Variants in MDM4 observed in about 807,000 individuals in gnomAD.
MDM4 encodes protein Mdm4.
Under a neutral mutation model 60.2 loss-of-function variants are expected in MDM4, and 2 were observed. The observed-to-expected ratio is 0.03, with a 90% CI of 0.01 to 0.10. MDM4 has a LOEUF of 0.10. Ranked by LOEUF, MDM4 falls within the 10% of genes least tolerant of loss-of-function variation. MDM4 has a pLI of 1.00. For missense variants in MDM4, 447 were observed against 577.5 expected, an observed-to-expected ratio of 0.77 and a Z score of 2.32; for synonymous variants, 202 against 198.1, an observed-to-expected ratio of 1.02 and a Z score of -0.17.
chr1:204,532,101 C>T lies in MDM4; in HGVS notation c.288-90C>T. 5.2e-6 allele frequency: 4 copies of T among 772,366 alleles called. No homozygotes were observed. The South Asian group carries it at 6.2e-5, about 12-fold the overall frequency. The allele number at this position is 772,366 out of a possible 1,614,324, so 47.8% of individuals were successfully genotyped here. A position where few individuals can be genotyped will look rare whatever the true frequency, so the allele number is the denominator to read the frequency against. On this transcript the variant is annotated intron_variant, in intron 4 of 10. Transcript: ENST00000367182. ...TACAGAGAGACTTGGGAGATAACAT[C>T]AGAAATACATTTAATATTTAACGGC...
chr1:204,520,300 A>G (rs1207251923), intron 1 of MDM4, among the ~76,000 whole-genome samples: 1 of 151,442 alleles, frequency 6.6e-6, no homozygotes, highest in Admixed American at 6.6e-5. Flanking sequence ...AAAAAAATGA[A>G]TTTTGATATG....
chr1:204,536,357 G>A (rs755050730), intron 5 of MDM4, among the ~76,000 whole-genome samples: 1 of 152,164 alleles, frequency 6.6e-6, no homozygotes. Context: ...TGTTGTCTCC[G>A]TTTGTCCACA....
rs1663406582 is a variant in MDM4 at position 204,554,195 on chromosome 1, A to C, written c.*4513A>C. 4.4e-6 allele frequency: 1 copy of C among 226,846 alleles called. No homozygotes were observed. The highest frequency in any genetic ancestry group is 1.8e-4 in the South Asian group (1 of 5,492). 14.1% of individuals were successfully genotyped at this position (226,846 alleles called of 1,614,324 possible). The stretch of plus-strand genomic sequence containing the variant: ...TCTGATCTATAATACAAAGCTATGT[A>C]ATGTTACCTCTTGACTCGCTTTTGA... On this transcript the variant is annotated 3_prime_UTR_variant, in exon 11 of 11. Transcript: ENST00000367182.
rs547399551 is a variant in MDM4 at position 204,557,145 on chromosome 1, A to C, written c.*7463A>C. On this transcript the variant is annotated 3_prime_UTR_variant, in exon 11 of 11. Coordinates refer to ENST00000367182, the MANE Select transcript of MDM4 (RefSeq NM_002393.5). The stretch of plus-strand genomic sequence containing the variant: ...TAAGAACCTATTATGCTCTTGGTGT[A>C]CCAAGCTCTGGGGTATATATTCAGA... 1.2e-4 allele frequency: 24 copies of C among 198,032 alleles called. No homozygotes were observed. Among genetic ancestry groups the C allele is most frequent in the Non-Finnish European group, 2.3e-4 (22 of 95,548 alleles). 12.3% of individuals were successfully genotyped at this position (198,032 alleles called of 1,614,324 possible).
intron 7 of MDM4, among the ~76,000 whole-genome samples, chr1:204,538,869 C>CTTTTT (rs34355422): frequency 1.7e-5 from 2 of 117,676 alleles, no homozygotes; most frequent in African/African-American, 6.3e-5. Flanking sequence ...CCACGCCTGG[C>CTTTTT]TTTTTTTTTT....
intron 1 of MDM4, among the ~76,000 whole-genome samples, chr1:204,524,031 C>G (rs1277573393): frequency 6.6e-6 from 1 of 152,040 alleles, no homozygotes; most frequent in Non-Finnish European, 1.5e-5. Flanking sequence ...CAGGATGACT[C>G]AGGTCAAGGG....
Position 204,551,107 on chromosome 1 carries a change from ATCACAGT to A in MDM4, c.*1430_*1436del, listed in dbSNP as rs2102465379. 5.3e-6 allele frequency: 1 copy of A among 189,734 alleles called. No individual in the cohort carries two copies. Among genetic ancestry groups the A allele is most frequent in the African/African-American group, 2.3e-5 (1 of 42,950 alleles). 11.8% of individuals were successfully genotyped at this position (189,734 alleles called of 1,614,324 possible). ...GCCCAGGCTGGAGTGCACTGGCACA[ATCACAGT>A]TCACTGCAGCCTCGACCTCCCAGAT... On this transcript the variant is annotated 3_prime_UTR_variant, in exon 11 of 11. Coordinates refer to ENST00000367182, the MANE Select transcript of MDM4 (RefSeq NM_002393.5).
intron 10 of MDM4, among the ~76,000 whole-genome samples, chr1:204,547,249 T>C (rs1414072155): frequency 1.3e-5 from 2 of 152,204 alleles, no homozygotes; most frequent in East Asian, 3.8e-4. Context: ...TAAAATTATT[T>C]GTTGAATATA....
chr1:204,541,347 G>T (rs543927682), intron 7 of MDM4, among the ~76,000 whole-genome samples: 1 of 152,052 alleles, frequency 6.6e-6, no homozygotes, highest in Non-Finnish European at 1.5e-5. Context: ...CGCACCAGTC[G>T]TCCCAGCTAC....
chr1:204,542,701 A>G (rs1010994419), intron 7 of MDM4, 83 bp from the exon 8 acceptor site: 1 of 1,020,926 alleles, frequency 9.8e-7, no homozygotes, highest in Non-Finnish European at 1.4e-6. Context: ...CCTATTTTAT[A>G]AAGAAGTTTT....
chr1:204,517,190 C>A (rs1248342016), intron 1 of MDM4, among the ~76,000 whole-genome samples: 1 of 150,576 alleles, frequency 6.6e-6, no homozygotes, highest in Admixed American at 6.6e-5. Flanking sequence ...TGCAGTGAGT[C>A]GAGATCGCGC....
At chr1:204,529,251 G>C in intron 3 of MDM4, 1 of 730,246 alleles carries the variant, frequency 1.4e-6, no homozygotes, top group South Asian at 1.5e-5. Flanking sequence ...CATTGAACAA[G>C]GACCAGTTGC....
chr1:204,546,461 C>T (rs1662672367), intron 9 of MDM4, among the ~76,000 whole-genome samples: 1 of 152,124 alleles, frequency 6.6e-6, no homozygotes, highest in African/African-American at 2.4e-5. Context: ...CCTTGGCCTC[C>T]CAAAGTGCTG....
At position 204,549,741 on chromosome 1, in the gene MDM4, C is replaced by G; in HGVS notation, c.*59C>G. On this transcript the variant is annotated 3_prime_UTR_variant, in exon 11 of 11. Coordinates refer to ENST00000367182, the MANE Select transcript of MDM4 (RefSeq NM_002393.5). ...TTCACTTACCACATTATTTGAAAATCAATCCTTTATTTAATTTTATTTCCA... is the reference window on the plus strand; with the variant it reads ...TTCACTTACCACATTATTTGAAAATGAATCCTTTATTTAATTTTATTTCCA... The G allele has an allele frequency of 3.8e-6, 4 of 1,043,432 alleles. No individual in the cohort carries two copies. Among genetic ancestry groups the G allele is most frequent in the Non-Finnish European group, 5.5e-6 (4 of 727,752 alleles). 64.6% of individuals were successfully genotyped at this position (1,043,432 alleles called of 1,614,324 possible).
In MDM4 at chr1:204,537,898, A is replaced by G. The variant is rs992291385; in HGVS notation, c.412-311A>G. 4.4e-6 allele frequency: 3 copies of G among 681,126 alleles called. No individual in the cohort carries two copies. The African/African-American group carries it at 5.3e-5, about 12-fold the overall frequency. The allele number at this position is 681,126 out of a possible 1,614,324, so 42.2% of individuals were successfully genotyped here. A position where few individuals can be genotyped will look rare whatever the true frequency, so the allele number is the denominator to read the frequency against. ...CATCTTGGTACGTGGCGAGGGTTTC[A>G]TATGTTTTCTGAATTATGCCTAATT... is the stretch of plus-strand genomic sequence containing the variant. On this transcript the variant is annotated intron_variant, in intron 6 of 10. Coordinates refer to ENST00000367182, the MANE Select transcript of MDM4 (RefSeq NM_002393.5).
chr1:204,525,473 T>C lies in MDM4; in HGVS notation c.-35-11T>C, dbSNP rs1660034507. On this transcript the variant is annotated splice_polypyrimidine_tract_variant and intron_variant, in intron 1 of 10. Coordinates refer to ENST00000367182, the MANE Select transcript of MDM4 (RefSeq NM_002393.5). Reference sequence around the variant, plus strand: ...TTAGAATAGATGTTATAAATTTTTTTTTCTATTTAGTTTTACCAACAGACT... The same window carrying C: ...TTAGAATAGATGTTATAAATTTTTTCTTCTATTTAGTTTTACCAACAGACT... 6.4e-7 allele frequency: 1 copy of C among 1,570,152 alleles called. No homozygotes were observed. Among genetic ancestry groups the C allele is most frequent in the African/African-American group, 1.4e-5 (1 of 72,262 alleles).
At position 204,544,540 on chromosome 1, in the gene MDM4, G is replaced by C. The variant is rs747486080; in HGVS notation, c.678G>C (p.Val226=). The C allele has an allele frequency of 1.9e-6, 3 of 1,605,888 alleles. No individual in the cohort carries two copies. The East Asian group carries it at 6.7e-5, about 36-fold the overall frequency. The part of the protein sequence containing the change: ...GSTDLQTNQD[V]GTAIVSDTTD... ...GTTTGTTTTTTTTCTGTTAGGATGT[G>C]GGTACTGCCATTGTTTCAGATACTA... Residue 226 remains valine (V), a synonymous_variant, in exon 9 of 11, where the codon GTG becomes GTC. Transcript: ENST00000367182.
intron 1 of MDM4, among the ~76,000 whole-genome samples, chr1:204,522,339 A>C (rs371983039): frequency 3.9e-4 from 59 of 152,176 alleles, no homozygotes; most frequent in South Asian, 1.0e-3. Context: ...CACACACACA[A>C]AAAAAGCAAA....
At chr1:204,540,824 C>T (rs1391503768) in intron 7 of MDM4, among the ~76,000 whole-genome samples, 1 of 151,938 alleles carries the variant, frequency 6.6e-6, no homozygotes, top group Admixed American at 6.6e-5. Context: ...TTTGTGTTGG[C>T]GAAGATGTGT....
Sources: allele counts gnomAD v4.1 joint callset (sites outside exome capture counted in the v4.1 genomes callset), GRCh38; gene constraint gnomAD v4.1.1; transcripts MANE v1.5; gene names NCBI Gene and HGNC (gene_info 2026-07-23, HGNC 2026-07-21).